TBC1D24: variants seen among roughly 807,000 people sequenced by gnomAD.
TBC1D24 encodes the protein Infantile myoclonic epilepsy.
In TBC1D24, 47 loss-of-function variants were observed where a neutral mutation model predicts 50.7. That is an observed-to-expected ratio of 0.93 (90% CI 0.73 to 1.18). TBC1D24 has a LOEUF of 1.18. Ranked by LOEUF, TBC1D24 falls within the 50% of genes most tolerant of loss-of-function variation. TBC1D24 has a pLI of 0.00. For synonymous variants in TBC1D24, 324 were observed against 335.2 expected (o/e 0.97, Z 0.36); for missense variants, 688 against 766.5 (o/e 0.90, Z 1.21).
rs917806963 is a variant in TBC1D24 at position 2,496,718 on chromosome 16, C to T, written c.570C>T (p.Tyr190=). The part of the protein sequence containing the change: ...CMTFGDLVNK[Y]CQAAHKLMVA... ...CGTTTGGGGACCTGGTGAACAAGTA[C>T]TGCCAGGCGGCCCACAAGCTGATGG... The change falls in exon 2 of 8, where the codon TAC becomes TAT. Residue 190 remains tyrosine, a synonymous_variant. Transcript: ENST00000646147. 23 of 1,613,716 alleles carry T rather than the reference C, an allele frequency of 1.4e-5. No individual in the cohort carries two copies. The East Asian group carries it at 5.1e-4, about 36-fold the overall frequency.
chr16:2,481,529 A>T (rs1009619484), intron 1 of TBC1D24: 1 of 152,240 alleles, frequency 6.6e-6, no homozygotes, highest in East Asian at 1.9e-4. Context: ...TGGAACTCAG[A>T]CCAATCAAAA....
intron 2 of TBC1D24, 57 bp downstream of exon 2, chr16:2,497,170 G>A (rs1024837497): frequency 7.5e-6 from 12 of 1,595,626 alleles, no homozygotes; most frequent in Middle Eastern, 1.8e-4. Flanking sequence ...GGGGCAGGAC[G>A]TGTCTGGCGT....
In TBC1D24 at chr16:2,480,924, G is replaced by A. The variant is rs1224807511; in HGVS notation, c.-116+5754G>A. On this transcript the variant is annotated intron_variant, in intron 1 of 7. Coordinates refer to ENST00000646147, the MANE Select transcript of TBC1D24 (RefSeq NM_001199107.2). ...TTCTTGGTGCCTGTTATGCTGAAGC[G>A]TAGAAGTGTCTTAGTCAGAGCCCCA... 3.9e-5 allele frequency: 6 copies of A among 152,400 alleles called. No individual in the cohort carries two copies. In the East Asian group the frequency reaches 5.8e-4, roughly 15 times the overall value. 9.4% of individuals were successfully genotyped at this position (152,400 alleles called of 1,614,324 possible). A position where few individuals can be genotyped will look rare whatever the true frequency, so the allele number is the denominator to read the frequency against.
rs1184457620 is a variant in TBC1D24, at chr16:2,487,061, G to A, written c.-115-8973G>A. Among the ~76,000 whole-genome samples, 6 of 152,204 alleles carry A rather than the reference G, an allele frequency of 3.9e-5. No individual in the cohort carries two copies. ...TGCCTAGACTTTCCTCCTACCCCGT[G>A]TGGGGACACCCGCCTCTTAGCGCAT... On this transcript the variant is annotated intron_variant, in intron 1 of 7. Transcript: ENST00000646147. The surrounding 1 kb of genome is among the most constrained non-coding windows in gnomAD (Gnocchi z 4.1).
chr16:2,500,172 TG>T lies in TBC1D24; in HGVS notation c.1303-93del. ...CTCGGGCTGCACCCACCTTGGGCTC[TG>T]GGTGCAGATTCACGGGATGAAACGG... On this transcript the variant is annotated intron_variant, in intron 6 of 7. Coordinates refer to ENST00000646147, the MANE Select transcript of TBC1D24 (RefSeq NM_001199107.2). This position sits in a 1 kb window ranked among gnomAD's most constrained non-coding sequence, Gnocchi z 8.0. 7.7e-7 allele frequency: 1 copy of T among 1,300,152 alleles called. No individual in the cohort carries two copies. 80.5% of individuals were successfully genotyped at this position (1,300,152 alleles called of 1,614,324 possible).
chr16:2,503,101 G>A lies in TBC1D24; in HGVS notation c.*2143G>A, dbSNP rs927701294. 1 of 152,260 alleles carries A rather than the reference G, an allele frequency of 6.6e-6. No homozygotes were observed. Among genetic ancestry groups the A allele is most frequent in the African/African-American group, 2.4e-5 (1 of 41,470 alleles). 9.4% of individuals were successfully genotyped at this position (152,260 alleles called of 1,614,324 possible). A position where few individuals can be genotyped will look rare whatever the true frequency, so the allele number is the denominator to read the frequency against. ...AACTGGGTGGTGATTTTTCTGGCGAGTTAAGTCCAGCAGGTTCTGCGTGGC... is the reference window on the plus strand; with the variant it reads ...AACTGGGTGGTGATTTTTCTGGCGAATTAAGTCCAGCAGGTTCTGCGTGGC... On this transcript the variant is annotated 3_prime_UTR_variant, in exon 8 of 8. Coordinates refer to ENST00000646147, the MANE Select transcript of TBC1D24 (RefSeq NM_001199107.2).
chr16:2,501,197 C>T lies in TBC1D24; in HGVS notation c.*239C>T. 3.4e-6 allele frequency: 2 copies of T among 589,880 alleles called. No homozygotes were observed. The highest frequency in any genetic ancestry group is 6.0e-6 in the Non-Finnish European group (2 of 331,686). 36.5% of individuals were successfully genotyped at this position (589,880 alleles called of 1,614,324 possible). ...GCTGGAGGGCCTGCTGTGCCCCCAG[C>T]CCCACCCAGAGCTGGCATAGGAAGT... On this transcript the variant is annotated 3_prime_UTR_variant, in exon 8 of 8. Coordinates refer to ENST00000646147, the MANE Select transcript of TBC1D24 (RefSeq NM_001199107.2).
In TBC1D24 at chr16:2,487,834, G is replaced by A. The variant is rs1012263320; in HGVS notation, c.-115-8200G>A. Among the ~76,000 whole-genome samples the A allele has an allele frequency of 8.5e-5, 13 of 152,146 alleles. No homozygotes were observed. The highest frequency in any genetic ancestry group is 3.1e-4 in the African/African-American group (13 of 41,430). ...AGTGGCCGAGTGCCCTGAAGTCCCAGACCTGCGTGGGTCCTGCCTGTGCTC... is the reference window on the plus strand; with the variant it reads ...AGTGGCCGAGTGCCCTGAAGTCCCAAACCTGCGTGGGTCCTGCCTGTGCTC... On this transcript the variant is annotated intron_variant, in intron 1 of 7. Transcript: ENST00000646147. The surrounding 1 kb of genome is among the most constrained non-coding windows in gnomAD (Gnocchi z 4.1).
At position 2,500,628 on chromosome 16, in the gene TBC1D24, G is replaced by A. The variant is rs924755050; in HGVS notation, c.1525+138G>A. ...GGTGGACCAGGCATGATGGGTGGGA[G>A]GGGGCTGGAAGGGAGAGACCAGCCT... On this transcript the variant is annotated intron_variant, in intron 7 of 7. Transcript: ENST00000646147. This position sits in a 1 kb window ranked among gnomAD's most constrained non-coding sequence, Gnocchi z 8.0. 7 of 1,282,948 alleles carry A rather than the reference G, an allele frequency of 5.5e-6. No individual in the cohort carries two copies. The African/African-American group carries it at 5.9e-5, about 11-fold the overall frequency. 79.5% of individuals were successfully genotyped at this position (1,282,948 alleles called of 1,614,324 possible).
chr16:2,499,300 A>G lies in TBC1D24; in HGVS notation c.1143-57A>G. On this transcript the variant is annotated intron_variant, in intron 4 of 7. Coordinates refer to ENST00000646147, the MANE Select transcript of TBC1D24 (RefSeq NM_001199107.2). The surrounding 1 kb of genome is among the most constrained non-coding windows in gnomAD (Gnocchi z 4.0). ...GACAGCTGGGGCCAGCGGAGGCTGCAGGAGGCGGCTGGGAGGGTGTGCAGG... is the reference window on the plus strand; with the variant it reads ...GACAGCTGGGGCCAGCGGAGGCTGCGGGAGGCGGCTGGGAGGGTGTGCAGG... The G allele has an allele frequency of 6.5e-7, 1 of 1,527,554 alleles. No homozygotes were observed. The highest frequency in any genetic ancestry group is 1.8e-5 in the Admixed American group (1 of 54,868). 94.6% of individuals were successfully genotyped at this position (1,527,554 alleles called of 1,614,324 possible).
At chr16:2,489,736 C>T (rs141438459) in intron 1 of TBC1D24, among the ~76,000 whole-genome samples, 85 of 152,320 alleles carry the variant, frequency 5.6e-4, no homozygotes, top group African/African-American at 1.9e-3. Flanking sequence ...CCGTGATGTC[C>T]CAGGCATTCT....
intron 1 of TBC1D24, among the ~76,000 whole-genome samples, chr16:2,495,709 G>A (rs2065730965): frequency 6.6e-6 from 1 of 152,132 alleles, no homozygotes; most frequent in Non-Finnish European, 1.5e-5. Context: ...AACCAGGGGC[G>A]AGGAGGTTGC....
rs1468576308 is a variant in TBC1D24 at position 2,485,299 on chromosome 16, T to G, written c.-116+10129T>G. On this transcript the variant is annotated intron_variant, in intron 1 of 7. Coordinates refer to ENST00000646147, the MANE Select transcript of TBC1D24 (RefSeq NM_001199107.2). This position sits in a 1 kb window ranked among gnomAD's most constrained non-coding sequence, Gnocchi z 4.6. ...CGCGGGGAGGGGAGAGGTCCAGAGGTGGAAGGTCAAGTTGATTGCCAGTGG... is the reference window on the plus strand; with the variant it reads ...CGCGGGGAGGGGAGAGGTCCAGAGGGGGAAGGTCAAGTTGATTGCCAGTGG... 1 of 151,848 alleles carries G rather than the reference T, an allele frequency of 6.6e-6. No homozygotes were observed. The highest frequency in any genetic ancestry group is 1.5e-5 in the Non-Finnish European group (1 of 67,978). 9.4% of individuals were successfully genotyped at this position (151,848 alleles called of 1,614,324 possible).
intron 1 of TBC1D24, among the ~76,000 whole-genome samples, chr16:2,490,105 G>A (rs185714637): frequency 2.0e-5 from 3 of 152,192 alleles, no homozygotes; most frequent in African/African-American, 7.2e-5. Flanking sequence ...GGAGAGGTGT[G>A]CCCTGAGGAT....
rs908350114 is a variant in TBC1D24 at position 2,486,236 on chromosome 16, G to A, written c.-115-9798G>A. On this transcript the variant is annotated intron_variant, in intron 1 of 7. Coordinates refer to ENST00000646147, the MANE Select transcript of TBC1D24 (RefSeq NM_001199107.2). This position sits in a 1 kb window ranked among gnomAD's most constrained non-coding sequence, Gnocchi z 5.8. ...CTCCTATCACGTGAAGCCCGCAGGG[G>A]CCACAGCACCTCCTTCCTGTGGTCC... Among the ~76,000 whole-genome samples, 2 of 152,226 alleles carry A rather than the reference G, an allele frequency of 1.3e-5. No individual in the cohort carries two copies. The highest frequency in any genetic ancestry group is 2.4e-5 in the African/African-American group (1 of 41,470).
chr16:2,499,737 C>G lies in TBC1D24; in HGVS notation c.1207-98C>G. The G allele has an allele frequency of 2.7e-6, 3 of 1,092,166 alleles. No individual in the cohort carries two copies. The Admixed American group carries it at 5.1e-5, about 18-fold the overall frequency. The allele number at this position is 1,092,166 out of a possible 1,614,324, so 67.7% of individuals were successfully genotyped here. Reference sequence around the variant, plus strand: ...GGGGTGGGAGACGGCAATGCCTGCACCCCCACCTGTGACCTGGGACAGGCC... The same window carrying G: ...GGGGTGGGAGACGGCAATGCCTGCAGCCCCACCTGTGACCTGGGACAGGCC... On this transcript the variant is annotated intron_variant, in intron 5 of 7. Transcript: ENST00000646147. The surrounding 1 kb of genome is among the most constrained non-coding windows in gnomAD (Gnocchi z 4.0).
At chr16:2,498,628 T>G (rs1432386524) in intron 4 of TBC1D24, among the ~76,000 whole-genome samples, 1 of 152,194 alleles carries the variant, frequency 6.6e-6, no homozygotes, top group African/African-American at 2.4e-5. Context: ...TGAAGACGCC[T>G]GGGAGGCAGG....
At chr16:2,488,580 C>T (rs143852123) in intron 1 of TBC1D24, among the ~76,000 whole-genome samples, 1,345 of 133,786 alleles carry the variant, frequency 0.01, 15 homozygotes, top group Middle Eastern at 0.015. Flanking sequence ...GGTGCAATCT[C>T]GGCTCACTGG....
Position 2,482,880 on chromosome 16 carries a change from TG to T in TBC1D24, c.-116+7713del. ...CAGGCGGGATGAGGCCCAAGGCAGC[TG>T]GGAGATCTGGCGGCCAGCGCGGCCA... On this transcript the variant is annotated intron_variant, in intron 1 of 7. Transcript: ENST00000646147. This position sits in a 1 kb window ranked among gnomAD's most constrained non-coding sequence, Gnocchi z 5.2. 1 of 153,662 alleles carries T rather than the reference TG, an allele frequency of 6.5e-6. No individual in the cohort carries two copies. The highest frequency in any genetic ancestry group is 1.5e-5 in the Non-Finnish European group (1 of 68,884). 9.5% of individuals were successfully genotyped at this position (153,662 alleles called of 1,614,324 possible). A position where few individuals can be genotyped will look rare whatever the true frequency, so the allele number is the denominator to read the frequency against.
Sources: gnomAD v4.1 joint callset for allele counts (sites outside exome capture counted in the v4.1 genomes callset) on GRCh38, gnomAD v4.1.1 for gene constraint, Gnocchi (gnomAD v3.1) non-coding constraint, MANE v1.5 for transcripts, NCBI Gene and HGNC (gene_info 2026-07-23, HGNC 2026-07-21) for gene names.